The following PDZD2 variants were observed in gnomAD, a reference collection of about 807,000 sequenced individuals.
The protein encoded by PDZD2 is PDZ domain-containing protein 2.
PDZD2 carries 90 observed loss-of-function variants against 220.7 expected under a neutral mutation model. The observed-to-expected ratio is 0.41, with a 90% CI of 0.34 to 0.49. The LOEUF (loss-of-function observed/expected upper bound fraction) is 0.49. Ranked by LOEUF, PDZD2 falls within the 20% of genes least tolerant of loss-of-function variation. The probability of loss-of-function intolerance (pLI) is 0.28; values close to 1 mark genes in which losing one functional copy is unlikely to be tolerated. For missense variants in PDZD2, 3,174 were observed against 3,608.5 expected, an observed-to-expected ratio of 0.88 and a Z score of 3.08; for synonymous variants, 1,375 against 1,450.5, an observed-to-expected ratio of 0.95 and a Z score of 1.18.
At chr5:31,946,856 A>G (rs1418969707) in intron 2 of PDZD2, among the ~76,000 whole-genome samples, 3 of 152,018 alleles carry the variant, frequency 2.0e-5, no homozygotes, top group Non-Finnish European at 4.4e-5. Flanking sequence ...ACACACCACC[A>G]CTGGCTAGTT....
intron 1 of PDZD2, among the ~76,000 whole-genome samples, chr5:31,780,314 G>C (rs982854579): frequency 3.3e-5 from 5 of 152,036 alleles, no homozygotes; most frequent in Admixed American, 1.3e-4. Context: ...AGGATGCCGG[G>C]GGGGCTTCAG....
rs200000221 is a variant in PDZD2 at position 32,088,314 on chromosome 5, C to T, written c.4866C>T (p.Ala1622=). ...SSPAHLPTQA[A]ICPASAKVLS... is the part of the protein sequence containing the mutation. ...CTGCTCATCTTCCCACCCAGGCTGCCATCTGTCCTGCCTCAGCCAAAGTTC... is the reference window on the plus strand; with the variant it reads ...CTGCTCATCTTCCCACCCAGGCTGCTATCTGTCCTGCCTCAGCCAAAGTTC... Residue 1622 remains alanine (A), a synonymous_variant, in exon 20 of 25, where the codon GCC becomes GCT. Transcript: ENST00000438447. The surrounding 1 kb of genome is among the most constrained non-coding windows in gnomAD (Gnocchi z 4.6). 2.5e-6 allele frequency: 4 copies of T among 1,614,066 alleles called. No individual in the cohort carries two copies. Among genetic ancestry groups the T allele is most frequent in the African/African-American group, 1.3e-5 (1 of 75,060 alleles).
intron 2 of PDZD2, among the ~76,000 whole-genome samples, chr5:31,926,450 C>T (rs546674796): frequency 5.0e-4 from 68 of 134,858 alleles, no homozygotes; most frequent in Non-Finnish European, 9.4e-4. Flanking sequence ...TGCTTGGACC[C>T]GGGAGGCAGG....
intron 2 of PDZD2, among the ~76,000 whole-genome samples, chr5:31,978,122 A>G (rs1322986614): frequency 6.6e-6 from 1 of 152,214 alleles, no homozygotes; most frequent in African/African-American, 2.4e-5. Flanking sequence ...ATAATTTTGC[A>G]TGCCAGAGGA....
At chr5:31,924,265 C>T (rs187874592) in intron 2 of PDZD2, among the ~76,000 whole-genome samples, 92 of 152,272 alleles carry the variant, frequency 6.0e-4, no homozygotes, top group Admixed American at 5.0e-3. Context: ...ATGCCTGTTC[C>T]GCAAGCCTGC....
chr5:31,830,412 G>A (rs796560442), intron 2 of PDZD2, among the ~76,000 whole-genome samples: 23 of 150,166 alleles, frequency 1.5e-4, no homozygotes, highest in African/African-American at 4.7e-4. Flanking sequence ...TCCTGACCTC[G>A]TGATCTGCCC....
intron 1 of PDZD2, among the ~76,000 whole-genome samples, chr5:31,676,611 T>C (rs1027533864): frequency 4.1e-5 from 6 of 147,136 alleles, no homozygotes; most frequent in African/African-American, 1.5e-4. Context: ...CTGTCACCCA[T>C]GGCATGATCT....
chr5:32,076,062 G>A (rs571580686), intron 18 of PDZD2, among the ~76,000 whole-genome samples: 1 of 152,234 alleles, frequency 6.6e-6, no homozygotes, highest in South Asian at 2.1e-4. Context: ...GAGGCAGGTG[G>A]ATCACCTGAG....
At chr5:31,997,485 G>A (rs1370242808) in intron 4 of PDZD2, among the ~76,000 whole-genome samples, 1 of 152,188 alleles carries the variant, frequency 6.6e-6, no homozygotes, top group Admixed American at 6.5e-5. Flanking sequence ...TAAGACCTTA[G>A]GTGGTTTTTA....
intron 6 of PDZD2, among the ~76,000 whole-genome samples, chr5:32,027,183 C>T (rs35198979): frequency 0.13 from 19,158 of 152,158 alleles, 1,435 homozygotes; most frequent in Admixed American, 0.17. Context: ...GAATTACAGG[C>T]GTGAGCCACC....
intron 2 of PDZD2, among the ~76,000 whole-genome samples, chr5:31,881,368 G>GTGTGTA (rs1554088494): frequency 1.4e-4 from 12 of 83,446 alleles, no homozygotes; most frequent in Admixed American, 5.6e-4. Flanking sequence ...GTGTGTGTGT[G>GTGTGTA]TATATATTTT....
intron 1 of PDZD2, among the ~76,000 whole-genome samples, chr5:31,743,129 T>C (rs1453397098): frequency 1.3e-5 from 2 of 152,322 alleles, no homozygotes; most frequent in South Asian, 2.1e-4. Flanking sequence ...TGAATCTCTT[T>C]AGTGTTGAGT....
In PDZD2 at chr5:32,087,434, G is replaced by A. The variant is rs1438270596; in HGVS notation, c.3986G>A (p.Gly1329Glu). 6.2e-7 allele frequency: 1 copy of A among 1,614,018 alleles called. No individual in the cohort carries two copies. The highest frequency in any genetic ancestry group is 2.2e-5 in the East Asian group (1 of 44,894). ...GCTGCCCTCAGGGGAGCGGGACCTG[G>A]AGCAGAGGGAATGACACCAGCTGGT... is the stretch of plus-strand genomic sequence containing the variant. ...RVAALRGAGP[G>E]AEGMTPAGAV... The change falls in exon 20 of 25, where the codon GGA (glycine) becomes GAA (glutamate). Residue 1329 changes from glycine (G) to glutamate (E), a missense_variant. Gly to Glu is a moderately conservative substitution (Grantham distance 98, BLOSUM62 -2). Coordinates refer to ENST00000438447, the MANE Select transcript of PDZD2 (RefSeq NM_178140.4). The surrounding 1 kb of genome is among the most constrained non-coding windows in gnomAD (Gnocchi z 4.0).
In PDZD2 at chr5:31,646,981, T is replaced by TA; in HGVS notation, c.-361+7545dup. On this transcript the variant is annotated intron_variant, in intron 1 of 24. Coordinates refer to ENST00000438447, the MANE Select transcript of PDZD2 (RefSeq NM_178140.4). This position sits in a 1 kb window ranked among gnomAD's most constrained non-coding sequence, Gnocchi z 4.7. ...AATTGCATTAACTCCTCTCTGGACT[T>TA]ACTGCTCATCTTTAAAAACCTAAGC... Among the ~76,000 whole-genome samples, 1 of 152,318 alleles carries TA rather than the reference T, an allele frequency of 6.6e-6. No individual in the cohort carries two copies. The highest frequency in any genetic ancestry group is 3.4e-3 in the Middle Eastern group (1 of 294).
At chr5:32,010,750 C>G (rs886475819) in intron 6 of PDZD2, 1 of 452,308 alleles carries the variant, frequency 2.2e-6, no homozygotes, top group Admixed American at 2.8e-5. Context: ...AATGCCAGCA[C>G]TTTTGGAGGC....
At chr5:31,640,639 G>A (rs1484256504) in intron 1 of PDZD2, among the ~76,000 whole-genome samples, 2 of 152,106 alleles carry the variant, frequency 1.3e-5, no homozygotes, top group Admixed American at 6.5e-5. Flanking sequence ...TCTCTACTGG[G>A]CCAGCTTTTG....
chr5:31,772,029 G>A (rs1228835230), intron 1 of PDZD2, among the ~76,000 whole-genome samples: 1 of 152,162 alleles, frequency 6.6e-6, no homozygotes, highest in Non-Finnish European at 1.5e-5. Context: ...TGGGGGTGGG[G>A]AGAGGAGCAG....
In PDZD2 at chr5:32,042,315, A is replaced by G. The variant is rs1756253783; in HGVS notation, c.1519+4973A>G. Among the ~76,000 whole-genome samples the G allele has an allele frequency of 5.9e-5, 9 of 151,266 alleles. No individual in the cohort carries two copies. The South Asian group carries it at 1.9e-3, about 32-fold the overall frequency. ...GGTGGCTCACGCCTGTAATCCCAGCACTTTGGGAGGCCGAGGCGGGTGGAT... is the reference window on the plus strand; with the variant it reads ...GGTGGCTCACGCCTGTAATCCCAGCGCTTTGGGAGGCCGAGGCGGGTGGAT... On this transcript the variant is annotated intron_variant, in intron 7 of 24. Coordinates refer to ENST00000438447, the MANE Select transcript of PDZD2 (RefSeq NM_178140.4).
chr5:31,770,514 T>A (rs1369395704), intron 1 of PDZD2, among the ~76,000 whole-genome samples: 1 of 152,174 alleles, frequency 6.6e-6, no homozygotes, highest in East Asian at 1.9e-4. Context: ...AGTTTCCAGT[T>A]CATTGGCTGC....
Sources: gnomAD v4.1 joint callset for allele counts (sites outside exome capture counted in the v4.1 genomes callset) on GRCh38, gnomAD v4.1.1 for gene constraint, Gnocchi (gnomAD v3.1) non-coding constraint, MANE v1.5 for transcripts, NCBI Gene and HGNC (gene_info 2026-07-23, HGNC 2026-07-21) for gene names.